Variants in SUGCT observed in about 807,000 individuals in gnomAD.
SUGCT encodes succinyl-CoA:glutarate-CoA transferase.
Under a neutral mutation model 55.0 loss-of-function variants are expected in SUGCT, and 41 were observed. The observed-to-expected ratio is 0.74, with a 90% confidence interval of 0.58 to 0.97. The LOEUF (loss-of-function observed/expected upper bound fraction) is 0.97, where lower values mean the gene tolerates loss of function less well. Among genes scored for constraint, SUGCT ranks in the 50% least tolerant of loss-of-function variants. The probability of loss-of-function intolerance (pLI) is 0.00; values close to 1 mark genes in which losing one functional copy is unlikely to be tolerated. For synonymous variants in SUGCT, 187 were observed against 200.4 expected (o/e 0.93, Z 0.56); for missense variants, 568 against 547.8 (o/e 1.04, Z -0.37).
the SUGCT span, among the ~76,000 whole-genome samples, chr7:41,025,374 AT>A: frequency 0.036 from 5,273 of 146,612 alleles, 115 homozygotes; most frequent in Non-Finnish European, 0.042. Context: ...TCAATGTATG[AT>A]TTTTTTTTTT....
the SUGCT span, among the ~76,000 whole-genome samples, chr7:40,991,318 G>C: frequency 1.3e-5 from 2 of 152,124 alleles, no homozygotes; most frequent in African/African-American, 4.8e-5. Flanking sequence ...CATCTTCACT[G>C]TTCCTTGCAC....
chr7:40,921,531 C>T, the SUGCT span, among the ~76,000 whole-genome samples: 1 of 152,182 alleles, frequency 6.6e-6, no homozygotes, highest in Non-Finnish European at 1.5e-5. Context: ...ACTGGGAGAC[C>T]AGGCTTAGTG....
intron 2 of SUGCT, among the ~76,000 whole-genome samples, chr7:40,181,439 A>G (rs901177082): frequency 1.3e-5 from 2 of 152,160 alleles, no homozygotes; most frequent in Non-Finnish European, 2.9e-5. Context: ...TCCTCAGGAT[A>G]AAATTCTAGA....
intron 9 of SUGCT, among the ~76,000 whole-genome samples, chr7:40,337,154 G>T (rs1341603312): frequency 6.6e-6 from 1 of 152,152 alleles, no homozygotes; most frequent in East Asian, 1.9e-4. Flanking sequence ...TTGCTGAGGA[G>T]TGCTTTACTT....
intron 1 of SUGCT, among the ~76,000 whole-genome samples, chr7:40,138,402 G>A (rs1444428677): frequency 6.6e-6 from 1 of 152,054 alleles, no homozygotes; most frequent in Non-Finnish European, 1.5e-5. Context: ...TCCATTGATG[G>A]GCACTTAGGT....
At chr7:40,961,836 G>T in the SUGCT span, among the ~76,000 whole-genome samples, 1 of 152,244 alleles carries the variant, frequency 6.6e-6, no homozygotes, top group Middle Eastern at 3.4e-3. Flanking sequence ...GGAGTTGTTT[G>T]TTCCTCCCGG....
rs548058526 is a variant in SUGCT, at chr7:40,236,700, C to T, written c.485-935C>T. On this transcript the variant is annotated intron_variant, in intron 6 of 13. Coordinates refer to ENST00000335693, the MANE Select transcript of SUGCT (RefSeq NM_001193313.2). ...TGGAGTCAGGGAAGTACTTGAAACCCGGCTGAGGCATATGGAAGTAGAGTG... is the reference window on the plus strand; with the variant it reads ...TGGAGTCAGGGAAGTACTTGAAACCTGGCTGAGGCATATGGAAGTAGAGTG... Among the ~76,000 whole-genome samples the T allele has an allele frequency of 7.2e-5, 11 of 152,120 alleles. 1 individual carries two copies. Among genetic ancestry groups the T allele is most frequent in the Admixed American group, 4.6e-4 (7 of 15,284 alleles).
chr7:40,898,870 C>T, the SUGCT span, among the ~76,000 whole-genome samples: 2 of 151,970 alleles, frequency 1.3e-5, no homozygotes, highest in East Asian at 1.9e-4. Context: ...TGAATAGTTC[C>T]TAGATCAGGG....
intron 1 of SUGCT, among the ~76,000 whole-genome samples, chr7:40,141,153 T>A (rs1329277850): frequency 1.3e-5 from 2 of 152,124 alleles, no homozygotes; most frequent in African/African-American, 4.8e-5. Flanking sequence ...TAGAACATTA[T>A]TGGTGAACAG....
At chr7:40,447,992 A>G (rs1469720106) in intron 9 of SUGCT, among the ~76,000 whole-genome samples, 1 of 152,152 alleles carries the variant, frequency 6.6e-6, no homozygotes, top group Non-Finnish European at 1.5e-5. Context: ...ACATCCTCCA[A>G]TGGGCTAGGA....
At chr7:40,964,180 G>T in the SUGCT span, among the ~76,000 whole-genome samples, 1 of 152,150 alleles carries the variant, frequency 6.6e-6, no homozygotes, top group African/African-American at 2.4e-5. Flanking sequence ...AATTAAGACA[G>T]ATTTGTCTGG....
the SUGCT span, among the ~76,000 whole-genome samples, chr7:40,933,480 G>T: frequency 6.6e-6 from 1 of 152,168 alleles, no homozygotes; most frequent in Admixed American, 6.5e-5. Context: ...ATGTTGGCCT[G>T]CCTTGCTAGG....
intron 12 of SUGCT, among the ~76,000 whole-genome samples, chr7:40,501,434 A>AT (rs752592695): frequency 4.9e-4 from 75 of 152,250 alleles, no homozygotes; most frequent in Non-Finnish European, 8.8e-4. Context: ...TTCCTGTGTT[A>AT]TTATTTAAGA....
chr7:40,841,722 A>G (rs141686292), intron 13 of SUGCT, among the ~76,000 whole-genome samples: 38 of 152,290 alleles, frequency 2.5e-4, no homozygotes, highest in Middle Eastern at 6.8e-3. Context: ...TGAAGTTTCA[A>G]TGTGGAAAGA....
the SUGCT span, among the ~76,000 whole-genome samples, chr7:40,987,544 T>A: frequency 2.0e-5 from 3 of 152,320 alleles, no homozygotes; most frequent in Admixed American, 2.0e-4. Context: ...TGAAAAATAC[T>A]ATATATGCTG....
intron 9 of SUGCT, among the ~76,000 whole-genome samples, chr7:40,330,688 G>A (rs940371999): frequency 1.4e-4 from 11 of 75,956 alleles, no homozygotes; most frequent in Non-Finnish European, 2.6e-4. Flanking sequence ...TGGATGGGGG[G>A]GCATTTATTT....
intron 13 of SUGCT, among the ~76,000 whole-genome samples, chr7:40,800,862 AATTTGTATCCTAGCCCT>A (rs1233269792): frequency 2.0e-5 from 3 of 152,162 alleles, no homozygotes; most frequent in Admixed American, 6.5e-5. Context: ...TTAATCACAC[AATTTGTATCCTAGCCCT>A]ATGAGGTAGT....
intron 13 of SUGCT, 74 bp from the exon 14 acceptor site, chr7:40,860,242 C>G (rs1346400989): frequency 6.3e-7 from 1 of 1,588,648 alleles, no homozygotes; most frequent in Non-Finnish European, 8.6e-7. Context: ...TGGAAAACAC[C>G]CCAGGCTGCT....
the SUGCT span, among the ~76,000 whole-genome samples, chr7:40,875,888 C>A: frequency 6.6e-6 from 1 of 152,172 alleles, no homozygotes; most frequent in Non-Finnish European, 1.5e-5. Flanking sequence ...CTCACCTTTT[C>A]TTACTGAACA....
Sources: gnomAD v4.1 joint callset for allele counts (sites outside exome capture counted in the v4.1 genomes callset) on GRCh38, gnomAD v4.1.1 for gene constraint, MANE v1.5 for transcripts, NCBI Gene and HGNC (gene_info 2026-07-23, HGNC 2026-07-21) for gene names.